CAMTA1: variants seen among roughly 807,000 people sequenced by gnomAD.
CAMTA1 encodes calmodulin binding transcription activator 1.
Under a neutral mutation model 170.9 loss-of-function variants are expected in CAMTA1, and 27 were observed. The observed-to-expected ratio is 0.16, with a 90% CI of 0.12 to 0.22. The LOEUF (loss-of-function observed/expected upper bound fraction) is 0.22, where lower values mean the gene tolerates loss of function less well. CAMTA1 is among the 10% of genes least tolerant of loss of function. The probability of loss-of-function intolerance (pLI) is 1.00; values close to 1 mark genes in which losing one functional copy is unlikely to be tolerated. For missense variants in CAMTA1, 1,619 were observed against 2,217.2 expected (o/e 0.73, Z 5.42); for synonymous variants, 833 against 891.5 (o/e 0.93, Z 1.17).
chr1:7,284,427 C>T (rs996536468), intron 5 of CAMTA1, among the ~76,000 whole-genome samples: 5 of 152,054 alleles, frequency 3.3e-5, no homozygotes, highest in Non-Finnish European at 7.4e-5. Context: ...TGGTCTTGAA[C>T]TCCTGACCTC....
At chr1:7,542,879 G>GTGTGTGTGTGTGTGTGTGTGTGTGTT (rs1459264062) in intron 6 of CAMTA1, among the ~76,000 whole-genome samples, 14 of 138,172 alleles carry the variant, frequency 1.0e-4, no homozygotes, top group South Asian at 2.3e-4. Context: ...GTGTGTGTGT[G>GTGTGTGTGTGTGTGTGTGTGTGTGTT]TTTGAGCCGG....
At chr1:7,705,707 C>T (rs1438385663) in intron 11 of CAMTA1, among the ~76,000 whole-genome samples, 1 of 152,186 alleles carries the variant, frequency 6.6e-6, no homozygotes, top group East Asian at 1.9e-4. Context: ...GGGCACAGCC[C>T]TGCGCTCCTC....
At chr1:7,578,290 T>C (rs965586409) in intron 6 of CAMTA1, among the ~76,000 whole-genome samples, 2 of 152,138 alleles carry the variant, frequency 1.3e-5, no homozygotes, top group African/African-American at 4.8e-5. Flanking sequence ...TCCAGGGTCA[T>C]GCACATCAAC....
chr1:7,505,602 G>A (rs573304541), intron 6 of CAMTA1, among the ~76,000 whole-genome samples: 15 of 152,324 alleles, frequency 9.8e-5, no homozygotes, highest in African/African-American at 3.4e-4. Flanking sequence ...GGTGCCCCAG[G>A]GGCAGGGTGT....
At chr1:7,645,539 G>A (rs1224343141) in intron 7 of CAMTA1, among the ~76,000 whole-genome samples, 2 of 152,256 alleles carry the variant, frequency 1.3e-5, no homozygotes, top group Non-Finnish European at 2.9e-5. Context: ...TCTCCCACCT[G>A]GAGGCTCCTC....
At chr1:7,702,709 G>A (rs1013476616) in intron 11 of CAMTA1, among the ~76,000 whole-genome samples, 4 of 152,124 alleles carry the variant, frequency 2.6e-5, no homozygotes, top group Non-Finnish European at 5.9e-5. Context: ...AATGTATGAT[G>A]GACATATGGA....
chr1:7,229,935 TC>T (rs1242473871), intron 4 of CAMTA1, among the ~76,000 whole-genome samples: 3 of 152,144 alleles, frequency 2.0e-5, no homozygotes, highest in Admixed American at 2.0e-4. Context: ...TCCAGATGTT[TC>T]TTCTTGGGGT....
intron 1 of CAMTA1, among the ~76,000 whole-genome samples, chr1:6,799,143 C>T (rs1643312258): frequency 6.6e-6 from 1 of 152,186 alleles, no homozygotes; most frequent in Non-Finnish European, 1.5e-5. Context: ...TCACAGCTCA[C>T]TGCAACCTTG....
chr1:7,276,199 A>G (rs530174861), intron 5 of CAMTA1, among the ~76,000 whole-genome samples: 4 of 144,770 alleles, frequency 2.8e-5, no homozygotes, highest in African/African-American at 1.1e-4. Flanking sequence ...ATTAAAAAAA[A>G]AAACCTTTCA....
Position 7,115,612 on chromosome 1 carries a change from A to G in CAMTA1, c.302+24241A>G. 1.6e-5 allele frequency among the ~76,000 whole-genome samples: 2 copies of G among 124,794 alleles called. 1 individual carries two copies. The highest frequency in any genetic ancestry group is 3.3e-5 in the Non-Finnish European group (2 of 59,806). 81.9% of individuals were successfully genotyped at this position (124,794 alleles called of 152,430 possible). ...GAAAGCCTGAGACCCAGGAGAGCTG[A>G]TGATGTTGTTCCAGTCTGAATCTGA... On this transcript the variant is annotated intron_variant, in intron 4 of 22. Coordinates refer to ENST00000303635, the MANE Select transcript of CAMTA1 (RefSeq NM_015215.4).
intron 3 of CAMTA1, among the ~76,000 whole-genome samples, chr1:6,979,779 C>A (rs991242479): frequency 2.0e-5 from 3 of 151,898 alleles, no homozygotes; most frequent in African/African-American, 7.3e-5. Context: ...GGGACACTGT[C>A]GCCTCATGGT....
intron 16 of CAMTA1, among the ~76,000 whole-genome samples, chr1:7,740,619 C>G (rs2096804801): frequency 6.6e-6 from 1 of 152,228 alleles, no homozygotes; most frequent in Non-Finnish European, 1.5e-5. Flanking sequence ...GTGGGAGACA[C>G]TTGGTGCCAC....
chr1:7,573,475 C>T (rs2095149548), intron 6 of CAMTA1, among the ~76,000 whole-genome samples: 1 of 152,216 alleles, frequency 6.6e-6, no homozygotes, highest in Admixed American at 6.5e-5. Context: ...TAAATTACCA[C>T]TGACCGGGTG....
intron 5 of CAMTA1, among the ~76,000 whole-genome samples, chr1:7,407,325 C>G (rs2090369173): frequency 6.6e-6 from 1 of 152,154 alleles, no homozygotes. Flanking sequence ...TGGTGCAGCC[C>G]AGGCTCGGGG....
At chr1:7,449,143 A>G (rs1341502685) in intron 5 of CAMTA1, among the ~76,000 whole-genome samples, 4 of 152,218 alleles carry the variant, frequency 2.6e-5, no homozygotes, top group Non-Finnish European at 4.4e-5. Flanking sequence ...AAGAAAGAAG[A>G]AGCTGACCCT....
intron 3 of CAMTA1, among the ~76,000 whole-genome samples, chr1:7,023,984 G>C (rs148756914): frequency 0.02 from 2,992 of 148,714 alleles, 92 homozygotes; most frequent in African/African-American, 0.07. Flanking sequence ...AGCCAAGATT[G>C]CGCCACGGCA....
At chr1:7,442,331 G>A (rs983971178) in intron 5 of CAMTA1, among the ~76,000 whole-genome samples, 1 of 152,170 alleles carries the variant, frequency 6.6e-6, no homozygotes, top group African/African-American at 2.4e-5. Context: ...TCACAAGTAG[G>A]TGCCTGCTTC....
At chr1:7,746,451 AAC>A (rs1316474481) in intron 18 of CAMTA1, among the ~76,000 whole-genome samples, 2 of 152,204 alleles carry the variant, frequency 1.3e-5, no homozygotes, top group African/African-American at 4.8e-5. Flanking sequence ...CCAATTTTTA[AAC>A]AGTTAAACAT....
chr1:7,173,891 A>ACT lies in CAMTA1; in HGVS notation c.303-75598_303-75597dup, dbSNP rs1426794485. Among the ~76,000 whole-genome samples the ACT allele has an allele frequency of 3.9e-5, 6 of 151,986 alleles. No individual in the cohort carries two copies. The highest frequency in any genetic ancestry group is 8.8e-5 in the Non-Finnish European group (6 of 68,008). ...AGTGGAACCCAGGGGACCCACAGGG[A>ACT]CTCAACAGGACCCAGCAGGTACCAA... is the stretch of plus-strand genomic sequence containing the variant. On this transcript the variant is annotated intron_variant, in intron 4 of 22. Coordinates refer to ENST00000303635, the MANE Select transcript of CAMTA1 (RefSeq NM_015215.4). The surrounding 1 kb of genome is among the most constrained non-coding windows in gnomAD (Gnocchi z 5.4).
Sources: gnomAD v4.1 joint callset for allele counts (sites outside exome capture counted in the v4.1 genomes callset) on GRCh38, gnomAD v4.1.1 for gene constraint, Gnocchi (gnomAD v3.1) non-coding constraint, MANE v1.5 for transcripts, NCBI Gene and HGNC (gene_info 2026-07-23, HGNC 2026-07-21) for gene names.